The following RSU1 variants were observed in gnomAD, a reference collection of about 807,000 sequenced individuals.
RSU1 encodes the protein Ras suppressor protein 1.
RSU1 carries 26 observed loss-of-function variants against 31.1 expected under a neutral mutation model. That is an observed-to-expected ratio of 0.84 (90% CI 0.61 to 1.16). The LOEUF (loss-of-function observed/expected upper bound fraction) is 1.16. Ranked by LOEUF, RSU1 falls within the 50% of genes most tolerant of loss-of-function variation. The pLI is 0.00. For synonymous variants in RSU1, 164 were observed against 136.3 expected (o/e 1.20, Z -1.41); for missense variants, 320 against 339.1 (o/e 0.94, Z 0.44).
At chr10:16,715,127 C>A (rs1836114415) in intron 7 of RSU1, among the ~76,000 whole-genome samples, 2 of 152,188 alleles carry the variant, frequency 1.3e-5, no homozygotes. Context: ...TTGCTGCTCC[C>A]CTAGTGCGGT....
intron 8 of RSU1, among the ~76,000 whole-genome samples, chr10:16,692,808 C>A (rs1835587553): frequency 6.6e-6 from 1 of 151,978 alleles, no homozygotes; most frequent in African/African-American, 2.4e-5. Context: ...CATCCTATAC[C>A]TATCTCATTT....
chr10:16,718,096 T>TA (rs1564330385), intron 7 of RSU1, among the ~76,000 whole-genome samples: 23 of 51,604 alleles, frequency 4.5e-4, no homozygotes, highest in African/African-American at 1.9e-3. Flanking sequence ...CTCAATTTAT[T>TA]TAAAAAAAAA....
intron 2 of RSU1, 35 bp from the exon 3 acceptor site, chr10:16,782,119 T>G (rs1837665618): frequency 6.5e-7 from 1 of 1,539,606 alleles, no homozygotes; most frequent in Admixed American, 1.7e-5. Flanking sequence ...GGTCAGTCAG[T>G]AAATGTATCA....
At chr10:16,647,656 G>A (rs1402006886) in intron 8 of RSU1, among the ~76,000 whole-genome samples, 1 of 152,172 alleles carries the variant, frequency 6.6e-6, no homozygotes, top group Non-Finnish European at 1.5e-5. Flanking sequence ...ATGAGTGGTT[G>A]CCAAGGGCTG....
At chr10:16,746,665 CTTTTTT>C (rs535857942) in intron 7 of RSU1, among the ~76,000 whole-genome samples, 29 of 101,858 alleles carry the variant, frequency 2.8e-4, no homozygotes, top group African/African-American at 4.2e-4. Context: ...TCCCAAATCA[CTTTTTT>C]TTTTTTTTTT....
chr10:16,797,860 T>TC (rs201704522), intron 2 of RSU1, among the ~76,000 whole-genome samples: 28,060 of 139,020 alleles, frequency 0.2, 2,934 homozygotes, highest in African/African-American at 0.25. Flanking sequence ...TTTCTTCTTT[T>TC]TTTTTTTTTT....
intron 4 of RSU1, among the ~76,000 whole-genome samples, chr10:16,761,555 C>T (rs975703978): frequency 2.6e-5 from 4 of 152,072 alleles, no homozygotes; most frequent in Non-Finnish European, 4.4e-5. Context: ...GTGCTGTGAG[C>T]GTTTAAATAT....
At chr10:16,744,049 G>A (rs1230171485) in intron 7 of RSU1, among the ~76,000 whole-genome samples, 2 of 151,758 alleles carry the variant, frequency 1.3e-5, no homozygotes, top group African/African-American at 2.4e-5. Flanking sequence ...AGGATCACCT[G>A]GGCCCAGAAG....
intron 8 of RSU1, among the ~76,000 whole-genome samples, chr10:16,661,943 A>T (rs1029335346): frequency 6.6e-6 from 1 of 152,116 alleles, no homozygotes; most frequent in Non-Finnish European, 1.5e-5. Flanking sequence ...CATTTCTCTG[A>T]CTCATTCTGC....
At chr10:16,732,984 AG>A (rs1836545565) in intron 7 of RSU1, among the ~76,000 whole-genome samples, 1 of 152,134 alleles carries the variant, frequency 6.6e-6, no homozygotes, top group South Asian at 2.1e-4. Context: ...TCTAAGCTTA[AG>A]GTTCCTCATC....
intron 3 of RSU1, among the ~76,000 whole-genome samples, chr10:16,766,455 C>T (rs777312927): frequency 1.2e-4 from 18 of 152,180 alleles, no homozygotes; most frequent in Admixed American, 6.5e-4. Context: ...GTGGCTCACA[C>T]CTGTAACCCA....
chr10:16,780,635 C>T lies in RSU1; in HGVS notation c.160+1399G>A, dbSNP rs191363524. Among the ~76,000 whole-genome samples, 167 of 152,328 alleles carry T rather than the reference C, an allele frequency of 1.1e-3. 1 individual carries two copies. Among genetic ancestry groups the T allele is most frequent in the Middle Eastern group, 3.4e-3 (1 of 294 alleles). The stretch of plus-strand genomic sequence containing the variant: ...TGGTAAGCTTAGCAATTAAGAAATA[C>T]TTTACTAAACTACACAACAGAACAT... On this transcript the variant is annotated intron_variant, in intron 3 of 8. Transcript: ENST00000345264.
intron 8 of RSU1, among the ~76,000 whole-genome samples, chr10:16,660,683 G>C (rs1834872563): frequency 9.0e-6 from 1 of 111,172 alleles, no homozygotes; most frequent in African/African-American, 3.6e-5. Context: ...CTCTCGTTCT[G>C]TCACTCAGGC....
intron 8 of RSU1, among the ~76,000 whole-genome samples, chr10:16,632,769 T>C (rs1045811245): frequency 6.6e-6 from 1 of 151,928 alleles, no homozygotes; most frequent in East Asian, 1.9e-4. Flanking sequence ...CAAAACCTCG[T>C]CTCTACCAAG....
intron 8 of RSU1, among the ~76,000 whole-genome samples, chr10:16,625,991 A>C (rs1016164953): frequency 6.6e-6 from 1 of 152,128 alleles, no homozygotes; most frequent in African/African-American, 2.4e-5. Flanking sequence ...ATGGTATTAC[A>C]GCTGGCAAGA....
Position 16,695,005 on chromosome 10 carries a change from A to C in RSU1, c.731+18T>G, listed in dbSNP as rs769219300. On this transcript the variant is annotated intron_variant, in intron 8 of 8. Transcript: ENST00000345264. Reference sequence around the variant, plus strand: ...TAAAATCACAGTCTACTATTTCAGAAAATCAGAGTCTACTTACTATTTGTA... The same window carrying C: ...TAAAATCACAGTCTACTATTTCAGACAATCAGAGTCTACTTACTATTTGTA... 1.3e-6 allele frequency: 2 copies of C among 1,598,274 alleles called. No individual in the cohort carries two copies. The highest frequency in any genetic ancestry group is 1.7e-4 in the Middle Eastern group (1 of 5,972).
At chr10:16,645,957 CAT>C (rs1176058216) in intron 8 of RSU1, among the ~76,000 whole-genome samples, 1 of 36,352 alleles carries the variant, frequency 2.8e-5, no homozygotes, top group African/African-American at 1.3e-4. Flanking sequence ...TGTGTATATA[CAT>C]ATATGTGTAT....
intron 8 of RSU1, among the ~76,000 whole-genome samples, chr10:16,657,762 G>A (rs1834813810): frequency 6.6e-6 from 1 of 152,178 alleles, no homozygotes; most frequent in Admixed American, 6.5e-5. Context: ...GGAGGCTGAG[G>A]CGGGCAGATC....
At chr10:16,602,646 T>C (rs958523073) in intron 8 of RSU1, among the ~76,000 whole-genome samples, 4 of 152,196 alleles carry the variant, frequency 2.6e-5, no homozygotes, top group African/African-American at 9.6e-5. Context: ...ATATGAGAGG[T>C]GCAATATGCT....
Sources: allele counts gnomAD v4.1 joint callset (sites outside exome capture counted in the v4.1 genomes callset), GRCh38; gene constraint gnomAD v4.1.1; transcripts MANE v1.5; gene names NCBI Gene and HGNC (gene_info 2026-07-23, HGNC 2026-07-21).